CD1A: variants seen among roughly 807,000 people sequenced by gnomAD.
CD1A encodes the protein T-cell surface glycoprotein CD1a.
CD1A carries 50 observed loss-of-function variants against 38.3 expected under a neutral mutation model. That is an observed-to-expected ratio of 1.30 (90% CI 1.04 to 1.65). The LOEUF is 1.65. CD1A is among the 40% of genes most tolerant of loss of function. The probability of loss-of-function intolerance (pLI) is 0.00; values close to 1 mark genes in which losing one functional copy is unlikely to be tolerated. For missense variants in CD1A, 459 were observed against 406.1 expected (o/e 1.13, Z -1.12); for synonymous variants, 160 against 150.8 (o/e 1.06, Z -0.45).
In CD1A at chr1:158,256,932, G is replaced by C. The variant is rs756341916; in HGVS notation, c.751G>C (p.Asp251His). 5.9e-5 allele frequency: 96 copies of C among 1,614,082 alleles called. No homozygotes were observed. The highest frequency in any genetic ancestry group is 7.5e-5 in the Non-Finnish European group (89 of 1,180,050). Residue 251 changes from aspartate (D) to histidine (H), a missense_variant, in exon 4 of 6, where the codon GAC (aspartate) becomes CAC (histidine). Asp to His is a moderately conservative substitution (Grantham distance 81, BLOSUM62 -1). Transcript: ENST00000289429. ...EQEQQGTQRG[D>H]ILPSADGTWY... ...GGAGCAGCAGGGCACTCAGCGAGGG[G>C]ACATCTTGCCCAGTGCTGATGGGAC...
chr1:158,257,527 G>T lies in CD1A; in HGVS notation c.974+16G>T. The T allele has an allele frequency of 1.2e-6, 2 of 1,608,080 alleles. No homozygotes were observed. Among genetic ancestry groups the T allele is most frequent in the Non-Finnish European group, 8.5e-7 (1 of 1,174,466 alleles). ...GGAAACGCTGGTGAGTTCTTTGCAT[G>T]TGTCTTTCCTACTCTTAGCCTCTAC... On this transcript the variant is annotated intron_variant, in intron 5 of 5. Transcript: ENST00000289429.
At chr1:158,251,853 G>T (rs538485085), upstream of CD1A, among the ~76,000 whole-genome samples, 2 of 151,856 alleles carry the variant, frequency 1.3e-5, no homozygotes, top group South Asian at 4.2e-4. Context: ...TCCCCACCAG[G>T]TTAGGGCTTT....
At chr1:158,257,170 A>G (rs1021243255) in intron 4 of CD1A, 106 bp downstream of exon 4, 5 of 1,350,026 alleles carry the variant, frequency 3.7e-6, no homozygotes, top group Non-Finnish European at 3.0e-6. Context: ...TAGCCCAAAC[A>G]TGAATAAAAA....
At position 158,256,283 on chromosome 1, in the gene CD1A, G is replaced by A. The variant is rs769209635; in HGVS notation, c.604+1G>A. ...GGAAAGGCACATCTCCAGCGGCAAG[G>A]TCAGTCCTGCACTCTCCCTCCAAGA... On this transcript the variant is annotated splice_donor_variant, in intron 3 of 5. Coordinates refer to ENST00000289429, the MANE Select transcript of CD1A (RefSeq NM_001763.3). LOFTEE classifies it high-confidence loss of function. 1.9e-6 allele frequency: 3 copies of A among 1,612,602 alleles called. No individual in the cohort carries two copies. Among genetic ancestry groups the A allele is most frequent in the South Asian group, 2.2e-5 (2 of 90,996 alleles).
Position 158,257,019 on chromosome 1 carries a change from G to T in CD1A, c.838G>T (p.Val280Leu). Reference sequence around the variant, plus strand: ...GGAGGCAGCTGACCTGTCCTGTCGGGTGAAGCACAGCAGTCTAGAGGGCCA... The same window carrying T: ...GGAGGCAGCTGACCTGTCCTGTCGGTTGAAGCACAGCAGTCTAGAGGGCCA... ...AGEAADLSCR[V>L]KHSSLEGQDI... The change falls in exon 4 of 6, where the codon GTG (valine) becomes TTG (leucine). Residue 280 changes from valine (V) to leucine (L), a missense_variant. By Grantham distance (32) the Val-to-Leu change is conservative. Transcript: ENST00000289429. 5.0e-6 allele frequency: 8 copies of T among 1,614,096 alleles called. No individual in the cohort carries two copies. The highest frequency in any genetic ancestry group is 6.8e-6 in the Non-Finnish European group (8 of 1,179,948).
chr1:158,250,594 C>T (rs1423583639), upstream of CD1A, among the ~76,000 whole-genome samples: 1 of 152,180 alleles, frequency 6.6e-6, no homozygotes, highest in African/African-American at 2.4e-5. Flanking sequence ...CTTCCCCAAC[C>T]ATTTCTGCCA....
rs1650321226 is a variant in CD1A, at chr1:158,258,054, C to A, written c.*364C>A. On this transcript the variant is annotated 3_prime_UTR_variant, in exon 6 of 6. Transcript: ENST00000289429. ...CTTACAAGTGGGAAGCAGTCTCTTC[C>A]TGGTCTGAACTCCCGCCACATTTTA... 1.4e-5 allele frequency: 3 copies of A among 208,936 alleles called. No homozygotes were observed. The East Asian group carries it at 3.3e-4, about 23-fold the overall frequency. 12.9% of individuals were successfully genotyped at this position (208,936 alleles called of 1,614,324 possible).
intron 2 of CD1A, 60 bp from the exon 3 acceptor site, chr1:158,255,944 G>T (rs1409406498): frequency 6.7e-6 from 10 of 1,492,126 alleles, no homozygotes; most frequent in Admixed American, 1.9e-5. Flanking sequence ...TATAATCTTT[G>T]CTTCTACTCA....
At chr1:158,252,722 A>T (rs1369046041), upstream of CD1A, among the ~76,000 whole-genome samples, 1 of 151,412 alleles carries the variant, frequency 6.6e-6, no homozygotes, top group Non-Finnish European at 1.5e-5. Context: ...ACATGGTGAA[A>T]CCCCATCTCT....
intron 3 of CD1A, 145 bp downstream of exon 3, chr1:158,256,427 G>C: frequency 1.2e-6 from 1 of 823,448 alleles, no homozygotes; most frequent in Non-Finnish European, 1.9e-6. Context: ...CCAGTACTTT[G>C]GGAAGCTGAG....
chr1:158,254,785 C>CTGTGTGTGTGTGTGTG (rs55696033), intron 1 of CD1A, 58 bp downstream of exon 1: 1 of 578,814 alleles, frequency 1.7e-6, no homozygotes, highest in African/African-American at 2.1e-5. Context: ...CTCTCTCTCT[C>CTGTGTGTGTGTGTGTG]TGTGTGTGTG....
chr1:158,256,429 G>A (rs1650259184), intron 3 of CD1A, 147 bp downstream of exon 3: 2 of 826,476 alleles, frequency 2.4e-6, no homozygotes, highest in South Asian at 1.8e-5. Flanking sequence ...AGTACTTTGG[G>A]AAGCTGAGGC....
chr1:158,250,217 G>A (rs552342533), upstream of CD1A, among the ~76,000 whole-genome samples: 7 of 152,324 alleles, frequency 4.6e-5, no homozygotes, highest in African/African-American at 1.7e-4. Flanking sequence ...GTGGACAGGA[G>A]GGCAAGAATT....
chr1:158,252,525 T>C (rs908407241), upstream of CD1A, among the ~76,000 whole-genome samples: 1 of 152,220 alleles, frequency 6.6e-6, no homozygotes, highest in African/African-American at 2.4e-5. Flanking sequence ...GTTGCCTTGA[T>C]ATTTCAGTTC....
upstream of CD1A, among the ~76,000 whole-genome samples, chr1:158,251,883 A>G (rs1252686277): frequency 6.6e-6 from 1 of 151,330 alleles, no homozygotes; most frequent in Non-Finnish European, 1.5e-5. Flanking sequence ...TTTAGATGGA[A>G]TATTGCTCTG....
In CD1A at chr1:158,256,785, G is replaced by A; in HGVS notation, c.605-1G>A. On this transcript the variant is annotated splice_acceptor_variant, in intron 3 of 5. Transcript: ENST00000289429. LOFTEE classifies it high-confidence loss of function. ...TTGAATATCTTTTCTGTCCTTTGCA[G>A]TGAAGCCCGAGGCCTGGCTGTCCCA... 6.2e-7 allele frequency: 1 copy of A among 1,613,680 alleles called. No individual in the cohort carries two copies. The highest frequency in any genetic ancestry group is 1.1e-5 in the South Asian group (1 of 91,052).
Position 158,254,439 on chromosome 1 carries a change from G to C in CD1A, c.-231G>C. 7.3e-7 allele frequency: 1 copy of C among 1,367,610 alleles called. No individual in the cohort carries two copies. The allele number at this position is 1,367,610 out of a possible 1,614,324, so 84.7% of individuals were successfully genotyped here. A position where few individuals can be genotyped will look rare whatever the true frequency, so the allele number is the denominator to read the frequency against. On this transcript the variant is annotated 5_prime_UTR_variant, in exon 1 of 6. Coordinates refer to ENST00000289429, the MANE Select transcript of CD1A (RefSeq NM_001763.3). ...GAAGGTGAATAAGTTGGAGGTTGGT[G>C]ACAAGGAGAGAAGCTGGAACAGAGA...
At chr1:158,250,524 A>G (rs1650059434), upstream of CD1A, among the ~76,000 whole-genome samples, 1 of 152,118 alleles carries the variant, frequency 6.6e-6, no homozygotes, top group Non-Finnish European at 1.5e-5. Context: ...GTCTCTTTAC[A>G]ACCTTCGGAA....
At chr1:158,249,189 T>C in the CD1A span, among the ~76,000 whole-genome samples, 1 of 152,210 alleles carries the variant, frequency 6.6e-6, no homozygotes, top group Non-Finnish European at 1.5e-5. Context: ...TTCAACGGTG[T>C]AGGCCACATA....
Sources: allele counts gnomAD v4.1 joint callset (sites outside exome capture counted in the v4.1 genomes callset), GRCh38; gene constraint gnomAD v4.1.1; transcripts MANE v1.5; gene names NCBI Gene and HGNC (gene_info 2026-07-23, HGNC 2026-07-21).